The following PTPN13 variants were observed in gnomAD, a reference collection of about 807,000 sequenced individuals.
The protein encoded by PTPN13 is tyrosine-protein phosphatase non-receptor type 13.
In PTPN13, 191 loss-of-function variants were observed where a neutral mutation model predicts 284.0. The observed-to-expected ratio is 0.67, with a 90% confidence interval of 0.60 to 0.76. PTPN13 has a LOEUF of 0.76. Among genes scored for constraint, PTPN13 ranks in the 30% least tolerant of loss-of-function variants. PTPN13 has a pLI of 0.00. For synonymous variants in PTPN13, 986 were observed against 1,022.3 expected (o/e 0.96, Z 0.68); for missense variants, 2,797 against 2,939.9 (o/e 0.95, Z 1.12).
intron 7 of PTPN13, among the ~76,000 whole-genome samples, chr4:86,714,906 A>G (rs1053268399): frequency 6.6e-6 from 1 of 152,192 alleles, no homozygotes; most frequent in African/African-American, 2.4e-5. Context: ...AAGAGTTGCA[A>G]TTAAGCATGA....
At chr4:86,616,199 A>G (rs1720522964) in intron 1 of PTPN13, among the ~76,000 whole-genome samples, 1 of 152,218 alleles carries the variant, frequency 6.6e-6, no homozygotes, top group African/African-American at 2.4e-5. Context: ...TTAGTTTTAC[A>G]TTTTGTTGTC....
chr4:86,704,089 C>G (rs1731463014), intron 7 of PTPN13, among the ~76,000 whole-genome samples: 1 of 152,040 alleles, frequency 6.6e-6, no homozygotes. Flanking sequence ...GAGGCTGAGG[C>G]AGGAGAATCA....
intron 27 of PTPN13, 174 bp downstream of exon 27, chr4:86,766,691 AC>A (rs759381496): frequency 1.1e-5 from 5 of 451,472 alleles, no homozygotes; most frequent in East Asian, 3.8e-5. Flanking sequence ...TGCAAGTATT[AC>A]AAGACATTTT....
chr4:86,743,051 T>C (rs995870895), intron 16 of PTPN13, among the ~76,000 whole-genome samples: 5 of 152,162 alleles, frequency 3.3e-5, no homozygotes, highest in Non-Finnish European at 1.5e-5. Flanking sequence ...TTTTTTTAAC[T>C]CTCCTTTTTT....
At position 86,716,590 on chromosome 4, in the gene PTPN13, C is replaced by T. The variant is rs1733047860; in HGVS notation, c.1256C>T (p.Pro419Leu). The T allele has an allele frequency of 2.5e-6, 4 of 1,598,440 alleles. No individual in the cohort carries two copies. Among genetic ancestry groups the T allele is most frequent in the Non-Finnish European group, 3.4e-6 (4 of 1,172,446 alleles). The change falls in exon 8 of 48, where the codon CCA (proline) becomes CTA (leucine). Residue 419 changes from proline (P) to leucine (L), a missense_variant. Transcript: ENST00000411767. ...GTCTTTAGTACCTCCAGTGAAAGTCCATCTATTATTTCCTCTGAATCAGAT... is the reference window on the plus strand; with the variant it reads ...GTCTTTAGTACCTCCAGTGAAAGTCTATCTATTATTTCCTCTGAATCAGAT... ...GDVFSTSSES[P>L]SIISSESDFR...
In PTPN13 at chr4:86,608,583, T is replaced by C. The variant is rs144122766; in HGVS notation, c.-6+13794T>C. Reference sequence around the variant, plus strand: ...CTCAAAATAACTTTATGGTAAATACTACTGTTATCTTCCTTTTTATAGATA... The same window carrying C: ...CTCAAAATAACTTTATGGTAAATACCACTGTTATCTTCCTTTTTATAGATA... On this transcript the variant is annotated intron_variant, in intron 1 of 47. Transcript: ENST00000411767. Among the ~76,000 whole-genome samples, 1,186 of 152,258 alleles carry C rather than the reference T, an allele frequency of 7.8e-3. 12 individuals are homozygous for C. Among genetic ancestry groups the C allele is most frequent in the African/African-American group, 0.027 (1,125 of 41,570 alleles).
At chr4:86,790,840 C>T (rs1388705363) in intron 40 of PTPN13, among the ~76,000 whole-genome samples, 3 of 152,130 alleles carry the variant, frequency 2.0e-5, no homozygotes, top group South Asian at 4.2e-4. Flanking sequence ...TATAATTTAC[C>T]GACCATTTAA....
intron 6 of PTPN13, among the ~76,000 whole-genome samples, chr4:86,697,158 A>C (rs1347341957): frequency 3.3e-5 from 5 of 152,152 alleles, no homozygotes; most frequent in Non-Finnish European, 5.9e-5. Flanking sequence ...TGGCAGTGCC[A>C]GTTCTTAACT....
intron 45 of PTPN13, 36 bp from the exon 46 acceptor site, chr4:86,809,732 CA>C (rs1565634863): frequency 6.5e-7 from 1 of 1,540,368 alleles, no homozygotes; most frequent in African/African-American, 1.4e-5. Context: ...AACAATATAA[CA>C]TGTCATGATC....
chr4:86,701,279 C>A lies in PTPN13; in HGVS notation c.673C>A (p.Pro225Thr). The change falls in exon 7 of 48, where the codon CCT (proline) becomes ACT (threonine). Residue 225 changes from proline to threonine, a missense_variant. By Grantham distance (38) the Pro-to-Thr change is conservative (BLOSUM62 -1). Transcript: ENST00000411767. ...TTCTGATGTACTAGACATACAAAAGCCTCCACTCTCTCATCAGACCTTTCT... is the reference window on the plus strand; with the variant it reads ...TTCTGATGTACTAGACATACAAAAGACTCCACTCTCTCATCAGACCTTTCT... ...STSDVLDIQK[P>T]PLSHQTFLNK... The A allele has an allele frequency of 6.2e-7, 1 of 1,601,460 alleles. No homozygotes were observed. Among genetic ancestry groups the A allele is most frequent in the South Asian group, 1.1e-5 (1 of 88,300 alleles).
intron 23 of PTPN13, 75 bp downstream of exon 23, chr4:86,759,148 A>G: frequency 6.8e-7 from 1 of 1,470,056 alleles, no homozygotes; most frequent in Non-Finnish European, 9.2e-7. Context: ...TATTCGCACA[A>G]AAATGGATTC....
At chr4:86,750,245 G>A (rs759184867) in intron 17 of PTPN13, among the ~76,000 whole-genome samples, 9 of 152,156 alleles carry the variant, frequency 5.9e-5, no homozygotes, top group Non-Finnish European at 1.2e-4. Flanking sequence ...AGGAAATGTT[G>A]AGTAGGCTGC....
intron 3 of PTPN13, among the ~76,000 whole-genome samples, chr4:86,683,519 A>G (rs539857214): frequency 7.2e-4 from 110 of 152,278 alleles, no homozygotes; most frequent in Non-Finnish European, 1.0e-3. Context: ...GGGCCCACCC[A>G]TGATAGGGAG....
At chr4:86,667,546 G>T (rs967303178) in intron 2 of PTPN13, among the ~76,000 whole-genome samples, 4 of 152,038 alleles carry the variant, frequency 2.6e-5, no homozygotes, top group African/African-American at 9.7e-5. Context: ...AAATGTAGGG[G>T]AACTATTCTG....
intron 6 of PTPN13, among the ~76,000 whole-genome samples, chr4:86,696,122 A>G (rs1201488155): frequency 5.3e-5 from 8 of 152,016 alleles, no homozygotes; most frequent in Non-Finnish European, 1.2e-4. Flanking sequence ...TACTGAGTCT[A>G]TACCTACTTG....
rs551902806 is a variant in PTPN13 at position 86,784,013 on chromosome 4, G to A, written c.6025-452G>A. ...CTATATCCATGTAATACACTCACAA[G>A]TACTTGAAAAGTTGGTATTTTCTCT... On this transcript the variant is annotated intron_variant, in intron 37 of 47. Transcript: ENST00000411767. Among the ~76,000 whole-genome samples the A allele has an allele frequency of 6.6e-5, 10 of 152,090 alleles. 1 individual carries two copies. In the South Asian group the frequency reaches 1.7e-3, roughly 25 times the overall value.
rs1187210 is a variant in PTPN13, at chr4:86,700,245, T to C, written c.635-996T>C. Among the ~76,000 whole-genome samples the C allele has an allele frequency of 4.9e-3, 742 of 152,314 alleles. 6 individuals are homozygous for C. The highest frequency in any genetic ancestry group is 0.014 in the Middle Eastern group (4 of 294). Reference sequence around the variant, plus strand: ...CAATTTATTATTATTAAGGTTTTAGTCATTATTTTATATTGTATAGCAGAT... The same window carrying C: ...CAATTTATTATTATTAAGGTTTTAGCCATTATTTTATATTGTATAGCAGAT... On this transcript the variant is annotated intron_variant, in intron 6 of 47. Coordinates refer to ENST00000411767, the MANE Select transcript of PTPN13 (RefSeq NM_080683.3).
chr4:86,741,535 T>C (rs1000164203), intron 15 of PTPN13, 99 bp from the exon 16 acceptor site: 8 of 1,049,214 alleles, frequency 7.6e-6, no homozygotes, highest in Middle Eastern at 2.2e-4. Context: ...CAAGATGAGA[T>C]TTGTGGGGGG....
chr4:86,743,334 G>T (rs1329108010), intron 16 of PTPN13, among the ~76,000 whole-genome samples: 2 of 152,088 alleles, frequency 1.3e-5, no homozygotes, highest in East Asian at 3.9e-4. Context: ...TATAGGTAGT[G>T]GTTCTGTAGT....
Sources: allele counts gnomAD v4.1 joint callset (sites outside exome capture counted in the v4.1 genomes callset), GRCh38; gene constraint gnomAD v4.1.1; transcripts MANE v1.5; gene names NCBI Gene and HGNC (gene_info 2026-07-23, HGNC 2026-07-21).